IYD: variants seen among roughly 807,000 people sequenced by gnomAD.
IYD encodes iodotyrosine deiodinase 1.
Under a neutral mutation model 28.4 loss-of-function variants are expected in IYD, and 25 were observed. That is an observed-to-expected ratio of 0.88 (90% confidence interval 0.64 to 1.23). IYD has a LOEUF of 1.23. IYD is among the 50% of genes most tolerant of loss of function. The pLI, the probability that IYD is intolerant of heterozygous loss-of-function variation, is 0.00. For missense variants in IYD, 352 were observed against 357.9 expected (o/e 0.98, Z 0.13); for synonymous variants, 140 against 130.8 (o/e 1.07, Z -0.48).
At chr6:150,372,885 G>A (rs757474925) in intron 1 of IYD, among the ~76,000 whole-genome samples, 13 of 152,108 alleles carry the variant, frequency 8.5e-5, no homozygotes, top group Non-Finnish European at 1.6e-4. Flanking sequence ...TCTACAGTTA[G>A]GGTCCAAGAA....
At chr6:150,375,909 T>C (rs1777429476) in intron 1 of IYD, among the ~76,000 whole-genome samples, 3 of 152,186 alleles carry the variant, frequency 2.0e-5, no homozygotes, top group Non-Finnish European at 4.4e-5. Flanking sequence ...GGTTTCTTGA[T>C]TAGAAAATAG....
chr6:150,380,951 G>C (rs1745862742), intron 1 of IYD, among the ~76,000 whole-genome samples: 1 of 152,114 alleles, frequency 6.6e-6, no homozygotes, highest in African/African-American at 2.4e-5. Flanking sequence ...CTCTGAAAAA[G>C]AGTGGTCCAT....
intron 1 of IYD, among the ~76,000 whole-genome samples, chr6:150,375,446 A>C (rs931171172): frequency 1.3e-5 from 2 of 152,166 alleles, no homozygotes; most frequent in African/African-American, 4.8e-5. Context: ...AAAACATTTT[A>C]AGTAGTTTTT....
chr6:150,393,188 G>T (rs1199663141), intron 3 of IYD, among the ~76,000 whole-genome samples: 1 of 152,194 alleles, frequency 6.6e-6, no homozygotes, highest in Non-Finnish European at 1.5e-5. Context: ...ACCACAGGGG[G>T]TGGGTACACA....
intron 4 of IYD, chr6:150,396,202 G>A: frequency 3.1e-6 from 1 of 326,782 alleles, no homozygotes; most frequent in Non-Finnish European, 5.5e-6. Flanking sequence ...GTGGTTTGCT[G>A]CCTACATTTA....
intron 2 of IYD, among the ~76,000 whole-genome samples, chr6:150,390,192 G>A (rs967336730): frequency 6.6e-6 from 1 of 152,108 alleles, no homozygotes. Flanking sequence ...AAGTTTATTT[G>A]CAAAAATTAT....
chr6:150,390,292 GTT>G (rs1778065095), intron 2 of IYD, among the ~76,000 whole-genome samples: 3 of 152,184 alleles, frequency 2.0e-5, no homozygotes, highest in Non-Finnish European at 4.4e-5. Flanking sequence ...ACATTAGATT[GTT>G]GAGTCCTTAG....
At chr6:150,393,807 C>T (rs1778207902) in intron 3 of IYD, among the ~76,000 whole-genome samples, 1 of 152,210 alleles carries the variant, frequency 6.6e-6, no homozygotes, top group Non-Finnish European at 1.5e-5. Flanking sequence ...TCCTTGCCTT[C>T]TCCCTTGCTG....
At chr6:150,370,186 AGTGT>A (rs1214043802) in intron 1 of IYD, among the ~76,000 whole-genome samples, 1 of 150,896 alleles carries the variant, frequency 6.6e-6, no homozygotes, top group Non-Finnish European at 1.5e-5. Context: ...TGTGTGTGAG[AGTGT>A]GTGTTTATGA....
rs1183897678 is a variant in IYD at position 150,401,696 on chromosome 6, G to A, written c.*3459G>A. 1 of 152,114 alleles carries A rather than the reference G, an allele frequency of 6.6e-6. No individual in the cohort carries two copies. Among genetic ancestry groups the A allele is most frequent in the African/African-American group, 2.4e-5 (1 of 41,392 alleles). The allele number at this position is 152,114 out of a possible 1,614,324, so 9.4% of individuals were successfully genotyped here. ...AACTGTGTTCAAAGTTAGAAATAGTGGTCGGGGAGGCTTATAGATCCTCTT... is the reference window on the plus strand; with the variant it reads ...AACTGTGTTCAAAGTTAGAAATAGTAGTCGGGGAGGCTTATAGATCCTCTT... On this transcript the variant is annotated 3_prime_UTR_variant, in exon 5 of 5. Transcript: ENST00000344419.
chr6:150,389,575 G>A (rs1464284435), intron 2 of IYD, 32 bp downstream of exon 2: 1 of 1,569,040 alleles, frequency 6.4e-7, no homozygotes, highest in Non-Finnish European at 8.8e-7. Flanking sequence ...CTTTGGAAAT[G>A]TTAGTCACCT....
intron 1 of IYD, among the ~76,000 whole-genome samples, chr6:150,374,967 G>A (rs549603518): frequency 1.2e-4 from 19 of 152,080 alleles, no homozygotes; most frequent in Admixed American, 3.9e-4. Context: ...GGCATGCTTT[G>A]GGGTAATATG....
In IYD at chr6:150,405,667, T is replaced by C. The variant is rs1047176545; in HGVS notation, c.*7430T>C. 6.6e-6 allele frequency: 1 copy of C among 152,136 alleles called. No individual in the cohort carries two copies. Among genetic ancestry groups the C allele is most frequent in the Non-Finnish European group, 1.5e-5 (1 of 68,022 alleles). 9.4% of individuals were successfully genotyped at this position (152,136 alleles called of 1,614,324 possible). The stretch of plus-strand genomic sequence containing the variant: ...ATCAGATCTCATGAGAACTCACTCA[T>C]TCTCATGAGAATAACATGGGGGAAA... On this transcript the variant is annotated 3_prime_UTR_variant, in exon 5 of 5. Coordinates refer to ENST00000344419, the MANE Select transcript of IYD (RefSeq NM_203395.3).
At chr6:150,376,622 T>C (rs1180896689) in intron 1 of IYD, among the ~76,000 whole-genome samples, 1 of 151,842 alleles carries the variant, frequency 6.6e-6, no homozygotes, top group Non-Finnish European at 1.5e-5. Context: ...CATTTCTTCA[T>C]CTTCTTCTTT....
intron 4 of IYD, chr6:150,396,623 C>G: frequency 2.0e-6 from 1 of 488,416 alleles, no homozygotes. Context: ...GCCTCTAATC[C>G]CAGCACTTTG....
At chr6:150,376,652 G>A (rs763333838) in intron 1 of IYD, among the ~76,000 whole-genome samples, 12 of 151,576 alleles carry the variant, frequency 7.9e-5, no homozygotes, top group Non-Finnish European at 1.6e-4. Context: ...AATAGATGGG[G>A]TATTGCTTTG....
rs1347255773 is a variant in IYD, at chr6:150,402,923, GA to G, written c.*4687del. 4.7e-5 allele frequency: 1 copy of G among 21,228 alleles called. No individual in the cohort carries two copies. The highest frequency in any genetic ancestry group is 6.7e-4 in the East Asian group (1 of 1,482). The allele number at this position is 21,228 out of a possible 1,614,324, so 1.3% of individuals were successfully genotyped here. A position where few individuals can be genotyped will look rare whatever the true frequency, so the allele number is the denominator to read the frequency against. The stretch of plus-strand genomic sequence containing the variant: ...GCCAAATTTACAAACTTACAAAGAT[GA>G]TCCACCAATAGTTTTCTCTATTTAC... On this transcript the variant is annotated 3_prime_UTR_variant, in exon 5 of 5. Transcript: ENST00000344419.
chr6:150,389,655 GTTTATCTA>G (rs1231121970), intron 2 of IYD, 112 bp downstream of exon 2: 6 of 986,302 alleles, frequency 6.1e-6, no homozygotes, highest in Non-Finnish European at 9.7e-6. Flanking sequence ...AGAGTGATAT[GTTTATCTA>G]TAAAGTCTTA....
intron 4 of IYD, chr6:150,395,790 C>A: frequency 1.6e-6 from 1 of 636,656 alleles, no homozygotes; most frequent in Non-Finnish European, 2.8e-6. Flanking sequence ...AGGTGGTGAT[C>A]TGATTGGAAA....
Sources: allele counts gnomAD v4.1 joint callset (sites outside exome capture counted in the v4.1 genomes callset), GRCh38; gene constraint gnomAD v4.1.1; transcripts MANE v1.5; gene names NCBI Gene and HGNC (gene_info 2026-07-23, HGNC 2026-07-21).